The following LOXL2 variants were observed in gnomAD, a reference collection of about 807,000 sequenced individuals.
LOXL2 encodes lysyl oxidase like 2.
A neutral mutation model predicts 93.0 loss-of-function variants in LOXL2; 70 were observed. That is an observed-to-expected ratio of 0.75 (90% CI 0.62 to 0.92). LOXL2 has a LOEUF of 0.92. Ranked by LOEUF, LOXL2 falls within the 40% of genes least tolerant of loss-of-function variation. LOXL2 has a pLI of 0.00. For missense variants in LOXL2, 973 were observed against 1,054.9 expected, an observed-to-expected ratio of 0.92 and a Z score of 1.08; for synonymous variants, 438 against 413.2, an observed-to-expected ratio of 1.06 and a Z score of -0.73.
intron 1 of LOXL2, among the ~76,000 whole-genome samples, chr8:23,386,520 A>C (rs1330650540): frequency 1.3e-5 from 2 of 152,228 alleles, no homozygotes; most frequent in African/African-American, 4.8e-5. Context: ...AATATGGCAG[A>C]CACATTTCTC....
Position 23,298,060 on chromosome 8 carries a change from GGTT to G in LOXL2, c.2305_2307del (p.Asn769del). 1 of 1,613,806 alleles carries G rather than the reference GGTT, an allele frequency of 6.2e-7. No individual in the cohort carries two copies. The highest frequency in any genetic ancestry group is 8.5e-7 in the Non-Finnish European group (1 of 1,179,970). The stretch of plus-strand genomic sequence containing the variant: ...AGGCTTCTTTACTGCGGGGACAGCT[GGTT>G]GTTTAAGAGCCCGCTGAAGTGCTCA... On this transcript the variant is annotated inframe_deletion, in exon 14 of 14. Transcript: ENST00000389131.
At chr8:23,354,951 T>TATATACA in intron 3 of LOXL2, among the ~76,000 whole-genome samples, 1 of 19,168 alleles carries the variant, frequency 5.2e-5, no homozygotes, top group South Asian at 2.1e-3. Context: ...ATATATATAT[T>TATATACA]TTTTTTTTTT....
intron 2 of LOXL2, chr8:23,362,982 T>C (rs1408973510): frequency 2.6e-5 from 4 of 152,296 alleles, no homozygotes; most frequent in African/African-American, 9.6e-5. Flanking sequence ...CACTGTGTGA[T>C]GTGGTCGACT....
At chr8:23,379,395 G>A (rs1804641137) in intron 1 of LOXL2, among the ~76,000 whole-genome samples, 1 of 152,222 alleles carries the variant, frequency 6.6e-6, no homozygotes, top group African/African-American at 2.4e-5. Context: ...GGACCCACTT[G>A]AGGAGGCAGT....
intron 10 of LOXL2, among the ~76,000 whole-genome samples, chr8:23,306,578 C>T (rs2117143184): frequency 6.6e-6 from 1 of 152,354 alleles, no homozygotes; most frequent in East Asian, 1.9e-4. Context: ...CATCTGTGGG[C>T]TTTGATCCTC....
intron 6 of LOXL2, among the ~76,000 whole-genome samples, chr8:23,324,351 C>G (rs1359932679): frequency 6.6e-6 from 1 of 152,176 alleles, no homozygotes; most frequent in African/African-American, 2.4e-5. Flanking sequence ...GGCCTCCCTC[C>G]TGAAGCACAC....
At chr8:23,391,526 C>A (rs1804843305) in intron 1 of LOXL2, among the ~76,000 whole-genome samples, 70 of 152,146 alleles carry the variant, frequency 4.6e-4, no homozygotes, top group Admixed American at 2.7e-3. Context: ...TCATCCTCCC[C>A]CACTACACAC....
At chr8:23,328,260 C>A (rs1803616597) in intron 6 of LOXL2, 122 bp downstream of exon 6, 3 of 1,008,830 alleles carry the variant, frequency 3.0e-6, no homozygotes, top group South Asian at 2.9e-5. Flanking sequence ...CTCTCCCAGG[C>A]AGCCACTAAA....
intron 1 of LOXL2, among the ~76,000 whole-genome samples, chr8:23,388,040 C>T (rs150205112): frequency 5.2e-4 from 79 of 152,274 alleles, no homozygotes; most frequent in African/African-American, 1.8e-3. Context: ...TTCTTAAGTT[C>T]CTAGACCATA....
At chr8:23,362,589 C>G (rs1298577449) in intron 2 of LOXL2, among the ~76,000 whole-genome samples, 1 of 152,088 alleles carries the variant, frequency 6.6e-6, no homozygotes, top group Non-Finnish European at 1.5e-5. Flanking sequence ...AAACATTTAG[C>G]TGGGCATGGT....
rs145279796 is a variant in LOXL2 at position 23,396,703 on chromosome 8, A to G, written c.-84+7251T>C. Among the ~76,000 whole-genome samples the G allele has an allele frequency of 4.0e-3, 609 of 152,360 alleles. 13 individuals are homozygous for G. The East Asian group carries it at 0.061, about 15-fold the overall frequency. ...TGTGTTCTTTCAAATATCTCTTCCA[A>G]ACCCCCTCATGGTAGAGAAAATCAA... On this transcript the variant is annotated intron_variant, in intron 1 of 13. Transcript: ENST00000389131.
At chr8:23,386,765 G>A (rs781667554) in intron 1 of LOXL2, among the ~76,000 whole-genome samples, 12 of 152,074 alleles carry the variant, frequency 7.9e-5, no homozygotes, top group South Asian at 2.1e-4. Context: ...CCTCCTCTAC[G>A]CTGAATGCAA....
At chr8:23,367,637 A>C (rs936289166) in intron 2 of LOXL2, among the ~76,000 whole-genome samples, 1 of 152,178 alleles carries the variant, frequency 6.6e-6, no homozygotes, top group African/African-American at 2.4e-5. Context: ...GCCCCCAGGC[A>C]GGGCATATGG....
At chr8:23,308,128 G>A (rs1022767807) in intron 10 of LOXL2, among the ~76,000 whole-genome samples, 4 of 152,096 alleles carry the variant, frequency 2.6e-5, no homozygotes. Flanking sequence ...CCTTTTCTAG[G>A]AGAACGAAGG....
At position 23,360,276 on chromosome 8, in the gene LOXL2, CAG is replaced by C. The variant is rs777055073; in HGVS notation, c.356-13_356-12del. ...CTAACCAGATGGGCCCTGAAGGAGG[CAG>C]AGAGGAGAGAAACCAAGTGCTGCGT... is the stretch of plus-strand genomic sequence containing the variant. On this transcript the variant is annotated splice_polypyrimidine_tract_variant and intron_variant, in intron 2 of 13. Coordinates refer to ENST00000389131, the MANE Select transcript of LOXL2 (RefSeq NM_002318.3). The C allele has an allele frequency of 2.5e-6, 4 of 1,585,842 alleles. No homozygotes were observed. The highest frequency in any genetic ancestry group is 4.5e-5 in the East Asian group (2 of 44,114).
intron 8 of LOXL2, 81 bp downstream of exon 8, chr8:23,319,804 T>G: frequency 6.9e-7 from 1 of 1,449,170 alleles, no homozygotes; most frequent in Non-Finnish European, 9.5e-7. Flanking sequence ...GGAGGGTACG[T>G]GGGAGAGGGG....
intron 10 of LOXL2, among the ~76,000 whole-genome samples, chr8:23,305,875 G>C (rs1803222554): frequency 6.6e-6 from 1 of 151,500 alleles, no homozygotes. Flanking sequence ...GCAGTGGTAT[G>C]ATCTCGGCTC....
intron 3 of LOXL2, among the ~76,000 whole-genome samples, chr8:23,358,362 A>G (rs192701268): frequency 6.6e-5 from 10 of 152,334 alleles, no homozygotes; most frequent in Admixed American, 6.5e-4. Flanking sequence ...TTGGGAACAT[A>G]TATGGAGAGA....
At chr8:23,300,440 AC>A (rs1234996894) in intron 12 of LOXL2, among the ~76,000 whole-genome samples, 1 of 152,116 alleles carries the variant, frequency 6.6e-6, no homozygotes, top group Non-Finnish European at 1.5e-5. Flanking sequence ...CTCTGCGTGG[AC>A]GGTCACTTCC....
Sources: allele counts gnomAD v4.1 joint callset (sites outside exome capture counted in the v4.1 genomes callset), GRCh38; gene constraint gnomAD v4.1.1; transcripts MANE v1.5; gene names NCBI Gene and HGNC (gene_info 2026-07-23, HGNC 2026-07-21).